Variants in CYP11B1 observed in about 807,000 individuals in gnomAD.
CYP11B1 encodes cytochrome P450 family 11 subfamily B member 1, also known as cytochrome P450 11B1, mitochondrial.
A neutral mutation model predicts 48.3 loss-of-function variants in CYP11B1; 34 were observed. The observed-to-expected ratio is 0.70, with a 90% confidence interval of 0.54 to 0.94. The LOEUF is 0.94. CYP11B1 is among the 40% of genes least tolerant of loss of function. CYP11B1 has a pLI of 0.00. For missense variants in CYP11B1, 688 were observed against 657.4 expected, an observed-to-expected ratio of 1.05 and a Z score of -0.51; for synonymous variants, 291 against 262.5, an observed-to-expected ratio of 1.11 and a Z score of -1.05.
chr8:142,877,019 A>G lies in CYP11B1; in HGVS notation c.595+4T>C, dbSNP rs775005522. The G allele has an allele frequency of 6.2e-7, 1 of 1,613,208 alleles. No individual in the cohort carries two copies. ...GAGGCTGGATCTTCCCACGTGGCCC[A>G]CACCTTCTATGGTGTAGTGGAAGAT... is the stretch of plus-strand genomic sequence containing the variant. On this transcript the variant is annotated splice_donor_region_variant and intron_variant, in intron 3 of 8. Coordinates refer to ENST00000292427, the MANE Select transcript of CYP11B1 (RefSeq NM_000497.4).
intron 1 of CYP11B1, 188 bp downstream of exon 1, chr8:142,879,387 A>G: frequency 2.5e-6 from 4 of 1,611,106 alleles, no homozygotes; most frequent in South Asian, 1.1e-5. Context: ...GCGAGCTGGG[A>G]TTTGCTCTGC....
At chr8:142,874,869 C>G in intron 8 of CYP11B1, 88 bp downstream of exon 8, 1 of 1,519,882 alleles carries the variant, frequency 6.6e-7, no homozygotes, top group Non-Finnish European at 9.0e-7. Flanking sequence ...GCCACTCCCA[C>G]TCTGCCGAGG....
intron 6 of CYP11B1, 44 bp from the exon 7 acceptor site, chr8:142,875,356 G>A: frequency 6.4e-7 from 1 of 1,567,108 alleles, no homozygotes; most frequent in African/African-American, 1.4e-5. Flanking sequence ...AGCTGGATGG[G>A]GCTTCCTGTG....
rs781052848 is a variant in CYP11B1 at position 142,875,034 on chromosome 8, C to T, written c.1321G>A (p.Val441Met). 1.6e-5 allele frequency: 26 copies of T among 1,614,120 alleles called. No individual in the cohort carries two copies. The highest frequency in any genetic ancestry group is 1.6e-4 in the Middle Eastern group (1 of 6,084). The change falls in exon 8 of 9, where the codon GTG becomes ATG. Residue 441 changes from valine (V) to methionine (M), a missense_variant. Physicochemically the swap from Val to Met is conservative, Grantham distance 21. Transcript: ENST00000292427. ...IRGSGRNFYH[V>M]PFGFGMRQCL... ...TGGCGCATGCCAAAGCCAAAGGGCA[C>T]GTGGTAGAAGTTCCTGCCGGAGCCC...
rs985837633 is a variant in CYP11B1, at chr8:142,874,958, T to G, written c.1397A>C (p.His466Pro). 6 of 1,613,220 alleles carry G rather than the reference T, an allele frequency of 3.7e-6. No homozygotes were observed. The highest frequency in any genetic ancestry group is 5.1e-6 in the Non-Finnish European group (6 of 1,179,996). Residue 466 changes from histidine (H) to proline (P), a missense_variant and splice_region_variant, in exon 8 of 9, where the codon CAT (histidine) becomes CCT (proline). Transcript: ENST00000292427. ...CCTCCCCAGCCCGGGCCTGCTCACA[T>G]GGTGCAGCAGCAGCAGCATCTCTGC... is the stretch of plus-strand genomic sequence containing the variant. ...AEAEMLLLLH[H>P]VLKHLQVETL...
intron 8 of CYP11B1, among the ~76,000 whole-genome samples, chr8:142,874,726 T>G (rs747319297): frequency 2.6e-5 from 4 of 152,152 alleles, no homozygotes; most frequent in Non-Finnish European, 4.4e-5. Context: ...AGTTCCCACC[T>G]GACCCGGTTT....
intron 4 of CYP11B1, 81 bp downstream of exon 4, chr8:142,876,601 C>T: frequency 2.6e-6 from 4 of 1,560,378 alleles, no homozygotes; most frequent in Non-Finnish European, 3.5e-6. Context: ...GGCCTCCATT[C>T]CCCACTGGGT....
In CYP11B1 at chr8:142,879,743, A is replaced by G; in HGVS notation, c.71T>C (p.Leu24Pro). The stretch of plus-strand genomic sequence containing the variant: ...GGGGACCCGGGCGGCTCTCGTGCCC[A>G]GTGCCTGTGCCCTTTGCAGGGACAG... ...PWLSLQRAQA[L>P]GTRAARVPRT... Residue 24 changes from leucine (L) to proline (P), a missense_variant, in exon 1 of 9, where the codon CTG (leucine) becomes CCG (proline). Coordinates refer to ENST00000292427, the MANE Select transcript of CYP11B1 (RefSeq NM_000497.4). 1 of 1,614,220 alleles carries G rather than the reference A, an allele frequency of 6.2e-7. No individual in the cohort carries two copies. The highest frequency in any genetic ancestry group is 8.5e-7 in the Non-Finnish European group (1 of 1,180,036).
chr8:142,876,707 C>T lies in CYP11B1; in HGVS notation c.774G>A (p.Glu258=), dbSNP rs2130274902. Reference sequence around the variant, plus strand: ...CGTACTGGAAGATGCAGTCCCAGGCCTCAAAGTGCTCCTTCCACACCTTGG... The same window carrying T: ...CGTACTGGAAGATGCAGTCCCAGGCTTCAAAGTGCTCCTTCCACACCTTGG... The part of the protein sequence containing the change: ...TSPKVWKEHF[E]AWDCIFQYGD... The change falls in exon 4 of 9, where the codon GAG becomes GAA. Residue 258 remains glutamate (E), a synonymous_variant. Coordinates refer to ENST00000292427, the MANE Select transcript of CYP11B1 (RefSeq NM_000497.4). 6 of 1,613,164 alleles carry T rather than the reference C, an allele frequency of 3.7e-6. No homozygotes were observed. The highest frequency in any genetic ancestry group is 3.3e-5 in the South Asian group (3 of 90,768).
rs1410499961 is a variant in CYP11B1, at chr8:142,875,794, C to T, written c.1039G>A (p.Ala347Thr). 2.3e-5 allele frequency: 37 copies of T among 1,613,946 alleles called. No individual in the cohort carries two copies. The highest frequency in any genetic ancestry group is 1.6e-4 in the Middle Eastern group (1 of 6,084). ...GGATGTTCACTGATGCTGGCTGCGG[C>T]GGCCAGGCTCTCCTGGCGCAGGGCC... ...QQALRQESLA[A>T]AASISEHPQK... Residue 347 changes from alanine (A) to threonine (T), a missense_variant, in exon 6 of 9, where the codon GCC becomes ACC. By Grantham distance (58) the Ala-to-Thr change is moderately conservative (BLOSUM62 0). Transcript: ENST00000292427.
At position 142,875,746 on chromosome 8, in the gene CYP11B1, G is replaced by A; in HGVS notation, c.1087C>T (p.Pro363Ser). ...EHPQKATTEL[P>S]LLRAALKETL... ...TCCTTGAGGGCCGCACGCAGCAAGG[G>A]CAGCTCGGTGGTTGCCTTCTGGGGA... Residue 363 changes from proline to serine, a missense_variant, in exon 6 of 9, where the codon CCC becomes TCC. By Grantham distance (74) the Pro-to-Ser change is moderately conservative. Coordinates refer to ENST00000292427, the MANE Select transcript of CYP11B1 (RefSeq NM_000497.4). 1 of 1,614,068 alleles carries A rather than the reference G, an allele frequency of 6.2e-7. No individual in the cohort carries two copies. Among genetic ancestry groups the A allele is most frequent in the Non-Finnish European group, 8.5e-7 (1 of 1,180,022 alleles).
In CYP11B1 at chr8:142,872,690, G is replaced by A. The variant is rs748547571; in HGVS notation, c.*1683C>T. The stretch of plus-strand genomic sequence containing the variant: ...GGAGAAATGCATGTATTTTGTATAT[G>A]AGAAGGATGTAGATTTTAGAGAAAC... On this transcript the variant is annotated 3_prime_UTR_variant, in exon 9 of 9. Transcript: ENST00000292427. The A allele has an allele frequency of 1.3e-5, 2 of 152,318 alleles. No individual in the cohort carries two copies. Among genetic ancestry groups the A allele is most frequent in the East Asian group, 3.9e-4 (2 of 5,174 alleles). The allele number at this position is 152,318 out of a possible 1,614,324, so 9.4% of individuals were successfully genotyped here.
rs61752765 is a variant in CYP11B1, at chr8:142,875,845, G to A, written c.988C>T (p.Leu330=). Residue 330 remains leucine, a synonymous_variant, in exon 6 of 9, where the codon CTG becomes TTG. Transcript: ENST00000292427. The part of the protein sequence containing the change: ...VFPLLMTLFE[L]ARNPNVQQAL... The stretch of plus-strand genomic sequence containing the variant: ...TGCTGCACGTTGGGGTTCCGAGCCA[G>A]CTCAAAGAGCGTCATCAGCAAGGGA... 3.6e-4 allele frequency: 577 copies of A among 1,614,174 alleles called. 3 individuals carry two copies. In the African/African-American group the frequency reaches 7.0e-3, roughly 20 times the overall value.
At position 142,875,130 on chromosome 8, in the gene CYP11B1, A is replaced by T. The variant is rs374559854; in HGVS notation, c.1225T>A (p.Ser409Thr). Reference protein sequence around the residue: ...AGTLVRVFLYSLGRNPALFPR... With the variant: ...AGTLVRVFLYTLGRNPALFPR... ...AACAAGGCGGGGTTGCGACCCAGAG[A>T]GTAGAGGAACACGCGCACCAATGTC... The change falls in exon 8 of 9, where the codon TCT (serine) becomes ACT (threonine). Residue 409 changes from serine (S) to threonine (T), a missense_variant. Transcript: ENST00000292427. 2 of 1,614,092 alleles carry T rather than the reference A, an allele frequency of 1.2e-6. No homozygotes were observed. Among genetic ancestry groups the T allele is most frequent in the African/African-American group, 2.7e-5 (2 of 74,926 alleles).
chr8:142,874,875 C>G (rs1816883135), intron 8 of CYP11B1, 82 bp downstream of exon 8: 2 of 1,542,050 alleles, frequency 1.3e-6, no homozygotes, highest in African/African-American at 2.7e-5. Context: ...CCCACTCTGC[C>G]GAGGCCAGTC....
chr8:142,876,243 T>C lies in CYP11B1; in HGVS notation c.952A>G (p.Thr318Ala), dbSNP rs1296969984. 6.2e-7 allele frequency: 1 copy of C among 1,614,064 alleles called. No homozygotes were observed. Among genetic ancestry groups the C allele is most frequent in the Non-Finnish European group, 8.5e-7 (1 of 1,180,038 alleles). Reference protein sequence around the residue: ...SMELTAGSVDTTVFPLLMTLF... With the variant: ...SMELTAGSVDATVFPLLMTLF... ...GTGGGGCTGGTTGCCGGCCTGACCG[T>C]GTCCACGCTCCCTGCAGTGAGTTCC... The change falls in exon 5 of 9, where the codon ACG becomes GCG. Residue 318 changes from threonine to alanine, a missense_variant and splice_region_variant. By Grantham distance (58) the Thr-to-Ala change is moderately conservative. Transcript: ENST00000292427.
chr8:142,878,452 G>A (rs531669601), intron 2 of CYP11B1, among the ~76,000 whole-genome samples: 2 of 130,200 alleles, frequency 1.5e-5, no homozygotes, highest in Non-Finnish European at 3.5e-5. Context: ...GCCACCCTCT[G>A]CACGGGCCAG....
chr8:142,878,877 C>T (rs1235010957), intron 2 of CYP11B1, among the ~76,000 whole-genome samples, 155 bp downstream of exon 2: 2 of 152,186 alleles, frequency 1.3e-5, no homozygotes, highest in Non-Finnish European at 2.9e-5. Flanking sequence ...AGGGCAGACA[C>T]GACCCCACGG....
chr8:142,878,674 A>T (rs1363431171), intron 2 of CYP11B1, among the ~76,000 whole-genome samples: 1 of 152,186 alleles, frequency 6.6e-6, no homozygotes, highest in Admixed American at 6.5e-5. Context: ...GACCTGGGCC[A>T]GTGGGAGTAC....
Sources: gnomAD v4.1 joint callset for allele counts (sites outside exome capture counted in the v4.1 genomes callset) on GRCh38, gnomAD v4.1.1 for gene constraint, MANE v1.5 for transcripts, NCBI Gene and HGNC (gene_info 2026-07-23, HGNC 2026-07-21) for gene names.